Variants in HEMGN observed in about 807,000 individuals in gnomAD.
HEMGN encodes the protein hemogen, also known as erythroid differentiation-associated gene protein.
HEMGN carries 32 observed loss-of-function variants against 45.7 expected under a neutral mutation model. The observed-to-expected ratio is 0.70, with a 90% CI of 0.53 to 0.94. HEMGN has a LOEUF of 0.94. Ranked by LOEUF, HEMGN falls within the 40% of genes least tolerant of loss-of-function variation. The pLI is 0.00. For missense variants in HEMGN, 530 were observed against 564.2 expected (o/e 0.94, Z 0.61); for synonymous variants, 183 against 178.6 (o/e 1.02, Z -0.20).
intron 1 of HEMGN, among the ~76,000 whole-genome samples, chr9:97,943,483 A>T (rs1827180520): frequency 6.6e-6 from 1 of 152,218 alleles, no homozygotes; most frequent in Non-Finnish European, 1.5e-5. Context: ...GCTAAAACAG[A>T]TGCTGCTGTA....
intron 1 of HEMGN, 137 bp from the exon 2 acceptor site, chr9:97,936,401 T>C: frequency 1.6e-6 from 1 of 640,700 alleles, no homozygotes; most frequent in South Asian, 1.9e-5. Context: ...ATCTCATTTA[T>C]CCTTGTATCT....
Position 97,927,358 on chromosome 9 carries a change from G to T in HEMGN, c.*26C>A. The T allele has an allele frequency of 1.5e-6, 2 of 1,332,784 alleles. No individual in the cohort carries two copies. Among genetic ancestry groups the T allele is most frequent in the South Asian group, 1.3e-5 (1 of 77,098 alleles). 82.6% of individuals were successfully genotyped at this position (1,332,784 alleles called of 1,614,324 possible). A position where few individuals can be genotyped will look rare whatever the true frequency, so the allele number is the denominator to read the frequency against. On this transcript the variant is annotated 3_prime_UTR_variant, in exon 4 of 4. Transcript: ENST00000616898. ...AACTATTAAGCTGTATGTTCCATTG[G>T]ACCACAACTTTATGGTTGAGCATTG... is the stretch of plus-strand genomic sequence containing the variant.
intron 1 of HEMGN, among the ~76,000 whole-genome samples, chr9:97,937,764 A>G (rs995746397): frequency 2.0e-5 from 3 of 152,304 alleles, no homozygotes; most frequent in Admixed American, 1.3e-4. Flanking sequence ...ATGTTGCTTT[A>G]GGATAGATCC....
intron 2 of HEMGN, among the ~76,000 whole-genome samples, chr9:97,933,488 C>A (rs1373080971): frequency 6.6e-6 from 1 of 152,188 alleles, no homozygotes; most frequent in Non-Finnish European, 1.5e-5. Context: ...CTGCAGGCTG[C>A]ACAGATAAGG....
intron 3 of HEMGN, among the ~76,000 whole-genome samples, chr9:97,929,377 CTA>C (rs1296062847): frequency 6.6e-6 from 1 of 152,204 alleles, no homozygotes; most frequent in Non-Finnish European, 1.5e-5. Flanking sequence ...CTGGGGATAA[CTA>C]TGGTCTGATA....
upstream of HEMGN, among the ~76,000 whole-genome samples, chr9:97,939,539 C>A (rs1827120876): frequency 6.6e-6 from 1 of 152,100 alleles, no homozygotes; most frequent in Non-Finnish European, 1.5e-5. Flanking sequence ...ATTTTGTATA[C>A]AAAGAAACTG....
At position 97,938,159 on chromosome 9, in the gene HEMGN, A is replaced by G. The variant is rs773744404; in HGVS notation, c.-23T>C. The G allele has an allele frequency of 3.2e-6, 5 of 1,570,018 alleles. No individual in the cohort carries two copies. Among genetic ancestry groups the G allele is most frequent in the Admixed American group, 3.4e-5 (2 of 58,612 alleles). On this transcript the variant is annotated 5_prime_UTR_variant, in exon 1 of 4. Transcript: ENST00000616898. Reference sequence around the variant, plus strand: ...CATCTTGCTGCAATACCTTCCTGCTATTTTGGTCTGACTTCCACAAGCAGC... The same window carrying G: ...CATCTTGCTGCAATACCTTCCTGCTGTTTTGGTCTGACTTCCACAAGCAGC...
chr9:97,927,685 A>G (rs1446994516), intron 3 of HEMGN, among the ~76,000 whole-genome samples: 1 of 152,188 alleles, frequency 6.6e-6, no homozygotes, highest in African/African-American at 2.4e-5. Flanking sequence ...CAGAAACCAT[A>G]AAGGAAAAGA....
At chr9:97,932,196 T>C (rs933557949) in intron 2 of HEMGN, among the ~76,000 whole-genome samples, 2 of 152,230 alleles carry the variant, frequency 1.3e-5, no homozygotes, top group African/African-American at 4.8e-5. Context: ...ACTGTAGTTA[T>C]TTCTGAAGAA....
upstream of HEMGN, among the ~76,000 whole-genome samples, chr9:97,942,377 G>T (rs1459920824): frequency 6.7e-6 from 1 of 149,418 alleles, no homozygotes; most frequent in Non-Finnish European, 1.5e-5. Flanking sequence ...CTACCTCCCT[G>T]GGCTCAGGTG....
rs1464803139 is a variant in HEMGN at position 97,937,369 on chromosome 9, C to T, written c.79+689G>A. Among the ~76,000 whole-genome samples, 3 of 151,932 alleles carry T rather than the reference C, an allele frequency of 2.0e-5. No homozygotes were observed. The East Asian group carries it at 5.8e-4, about 29-fold the overall frequency. On this transcript the variant is annotated intron_variant, in intron 1 of 3. Coordinates refer to ENST00000616898, the MANE Select transcript of HEMGN (RefSeq NM_197978.3). ...ATTATCTATTCTTCCTGATGCTCTC[C>T]CTCCCCCTCAGCATATGACTTGGTC...
At chr9:97,939,891 A>G (rs974222360), upstream of HEMGN, among the ~76,000 whole-genome samples, 3 of 152,246 alleles carry the variant, frequency 2.0e-5, no homozygotes, top group Non-Finnish European at 4.4e-5. Flanking sequence ...CCCTGCTCAA[A>G]GGAATCCTGC....
upstream of HEMGN, among the ~76,000 whole-genome samples, chr9:97,941,733 C>T (rs1827156198): frequency 6.6e-6 from 1 of 151,944 alleles, no homozygotes; most frequent in South Asian, 2.1e-4. Context: ...GATGTGCTAA[C>T]AGGTTAGGGA....
At chr9:97,936,349 T>C (rs1276741470) in intron 1 of HEMGN, 85 bp from the exon 2 acceptor site, 2 of 872,898 alleles carry the variant, frequency 2.3e-6, no homozygotes, top group African/African-American at 3.3e-5. Flanking sequence ...GCAGAGTCTC[T>C]GTTCTAGGTT....
chr9:97,937,935 A>T (rs1827090848), intron 1 of HEMGN, 123 bp downstream of exon 1: 4 of 616,608 alleles, frequency 6.5e-6, no homozygotes, highest in Non-Finnish European at 1.2e-5. Flanking sequence ...TGGATGAACT[A>T]GTCTCATTAG....
At chr9:97,929,704 A>G (rs1826904719) in intron 3 of HEMGN, among the ~76,000 whole-genome samples, 1 of 152,188 alleles carries the variant, frequency 6.6e-6, no homozygotes, top group Non-Finnish European at 1.5e-5. Flanking sequence ...TTCATTCATC[A>G]AGCTTTCTTG....
chr9:97,941,496 A>G (rs1385316856), upstream of HEMGN, among the ~76,000 whole-genome samples: 5 of 152,248 alleles, frequency 3.3e-5, no homozygotes. Flanking sequence ...AAGAACAATC[A>G]GAATGGTATT....
At chr9:97,939,908 C>G (rs1359375435), upstream of HEMGN, among the ~76,000 whole-genome samples, 28 of 152,216 alleles carry the variant, frequency 1.8e-4, no homozygotes, top group Admixed American at 1.8e-3. Flanking sequence ...CTGCACGGAA[C>G]AGCAGGCATT....
intron 1 of HEMGN, among the ~76,000 whole-genome samples, chr9:97,944,442 T>C (rs896550153): frequency 1.2e-4 from 18 of 152,172 alleles, no homozygotes; most frequent in African/African-American, 4.3e-4. Flanking sequence ...TCCCACATGC[T>C]CATTCCATCT....
Sources: gnomAD v4.1 joint callset for allele counts (sites outside exome capture counted in the v4.1 genomes callset) on GRCh38, gnomAD v4.1.1 for gene constraint, MANE v1.5 for transcripts, NCBI Gene and HGNC (gene_info 2026-07-23, HGNC 2026-07-21) for gene names.